Variants in PCDHA7 observed in about 807,000 individuals in gnomAD.
PCDHA7 encodes the protein protocadherin alpha-7.
A neutral mutation model predicts 57.2 loss-of-function variants in PCDHA7; 37 were observed. The observed-to-expected ratio is 0.65, with a 90% CI of 0.50 to 0.85. The LOEUF is 0.85. Among genes scored for constraint, PCDHA7 ranks in the 40% least tolerant of loss-of-function variants. The probability of loss-of-function intolerance (pLI) is 0.00; values close to 1 mark genes in which losing one functional copy is unlikely to be tolerated. For synonymous variants in PCDHA7, 553 were observed against 558.8 expected, an observed-to-expected ratio of 0.99 and a Z score of 0.15; for missense variants, 1,188 against 1,241.8, an observed-to-expected ratio of 0.96 and a Z score of 0.65.
At chr5:140,928,671 T>C in intron 1 of PCDHA7, 7 of 1,614,214 alleles carry the variant, frequency 4.3e-6, no homozygotes, top group Non-Finnish European at 5.9e-6. Context: ...GTGGTTCTAA[T>C]GCCTGGCTTT....
chr5:140,854,061 C>A, intron 1 of PCDHA7: 1 of 279,894 alleles, frequency 3.6e-6, no homozygotes, highest in Non-Finnish European at 5.4e-6. Flanking sequence ...ACTCAGGAGG[C>A]TGAGGCGAGA....
chr5:140,879,869 T>C lies in PCDHA7; in HGVS notation c.2355+43131T>C, dbSNP rs782705975. Among the ~76,000 whole-genome samples, 13 of 152,220 alleles carry C rather than the reference T, an allele frequency of 8.5e-5. 1 individual carries two copies. The highest frequency in any genetic ancestry group is 1.5e-4 in the Non-Finnish European group (10 of 68,042). ...CCCATCTCAGCCTTCTCAGCTTTCA[T>C]GGTCACATTGCCTCCTCCTCTCCAT... On this transcript the variant is annotated intron_variant, in intron 1 of 3. Coordinates refer to ENST00000525929, the MANE Select transcript of PCDHA7 (RefSeq NM_018910.3).
intron 1 of PCDHA7, chr5:140,856,806 A>G: frequency 1.3e-6 from 2 of 1,595,552 alleles, no homozygotes; most frequent in African/African-American, 1.3e-5. Context: ...ATGTATGAAA[A>G]TCAAGTGAAC....
chr5:140,998,433 C>CTA (rs2097813622), intron 3 of PCDHA7, among the ~76,000 whole-genome samples: 2 of 152,160 alleles, frequency 1.3e-5, no homozygotes, highest in Admixed American at 1.3e-4. Flanking sequence ...TCCTTTAACA[C>CTA]TATTATTGTA....
Position 140,875,940 on chromosome 5 carries a change from C to T in PCDHA7, c.2355+39202C>T, listed in dbSNP as rs782320801. ...TGGACTCTCATTTTCCTCTAGAGGG[C>T]GCTTCTGATGCGGATATCGGCGTAA... On this transcript the variant is annotated intron_variant, in intron 1 of 3. Transcript: ENST00000525929. 5.0e-6 allele frequency: 8 copies of T among 1,613,964 alleles called. No individual in the cohort carries two copies. In the South Asian group the frequency reaches 6.6e-5, roughly 13 times the overall value.
chr5:140,870,718 G>C (rs2052330987), intron 1 of PCDHA7: 2 of 1,613,062 alleles, frequency 1.2e-6, no homozygotes. Context: ...CGCGCGCGAT[G>C]CGGGCGTGCC....
chr5:140,851,287 C>T, intron 1 of PCDHA7: 1 of 1,037,890 alleles, frequency 9.6e-7, no homozygotes, highest in Non-Finnish European at 1.2e-6. Flanking sequence ...ATAAGAAACC[C>T]AAGCAAAAAT....
intron 1 of PCDHA7, chr5:140,877,350 G>T (rs376513441): frequency 1.9e-6 from 3 of 1,614,014 alleles, no homozygotes; most frequent in Non-Finnish European, 2.5e-6. Flanking sequence ...ACGTGGGGCT[G>T]TACACTGGCG....
chr5:140,917,806 A>G (rs921651411), intron 1 of PCDHA7, among the ~76,000 whole-genome samples: 45 of 151,888 alleles, frequency 3.0e-4, no homozygotes, highest in Admixed American at 2.9e-3. Context: ...GCCTTGCAGT[A>G]TAGTTGAAGT....
At chr5:140,869,868 T>A (rs782375084) in intron 1 of PCDHA7, 2 of 1,610,492 alleles carry the variant, frequency 1.2e-6, no homozygotes, top group African/African-American at 2.7e-5. Context: ...TGGAAAATGC[T>A]GCTAAAGAAA....
intron 3 of PCDHA7, among the ~76,000 whole-genome samples, chr5:141,008,259 T>G (rs986818585): frequency 3.3e-5 from 5 of 152,202 alleles, no homozygotes; most frequent in Non-Finnish European, 7.3e-5. Context: ...TAGAGGAGAC[T>G]GAGAAGTAAT....
chr5:140,926,704 T>C (rs1481559865), intron 1 of PCDHA7: 7 of 842,670 alleles, frequency 8.3e-6, no homozygotes, highest in Non-Finnish European at 1.2e-5. Context: ...GGCTCCCAGC[T>C]GGCCAGCCCC....
chr5:140,851,436 G>C, intron 1 of PCDHA7: 2 of 931,614 alleles, frequency 2.1e-6, no homozygotes, highest in East Asian at 2.3e-4. Context: ...TTAGAAAACA[G>C]TTGCTCCACT....
At chr5:140,893,219 G>C (rs1273209081) in intron 1 of PCDHA7, among the ~76,000 whole-genome samples, 1 of 152,194 alleles carries the variant, frequency 6.6e-6, no homozygotes, top group Non-Finnish European at 1.5e-5. Flanking sequence ...GGAGGTGCAG[G>C]TATCACTTTG....
chr5:140,989,237 A>C (rs2097333860), intron 3 of PCDHA7, among the ~76,000 whole-genome samples: 1 of 152,172 alleles, frequency 6.6e-6, no homozygotes, highest in African/African-American at 2.4e-5. Flanking sequence ...CTGAAGTTTT[A>C]AGCCCCTTGT....
chr5:140,965,648 GA>G (rs2095919572), intron 1 of PCDHA7, among the ~76,000 whole-genome samples: 1 of 152,128 alleles, frequency 6.6e-6, no homozygotes, highest in Non-Finnish European at 1.5e-5. Context: ...ACTCTTGAAA[GA>G]AAATGTCTTG....
At chr5:140,979,215 G>A (rs1463069868) in intron 2 of PCDHA7, among the ~76,000 whole-genome samples, 5 of 152,178 alleles carry the variant, frequency 3.3e-5, no homozygotes, top group African/African-American at 4.8e-5. Context: ...TGGCATATAA[G>A]AGTCCTCTGT....
At chr5:140,874,703 A>G (rs782809395) in intron 1 of PCDHA7, among the ~76,000 whole-genome samples, 16 of 152,270 alleles carry the variant, frequency 1.1e-4, no homozygotes, top group Admixed American at 7.2e-4. Flanking sequence ...TATGGAAATG[A>G]GAGCAGTTAT....
intron 3 of PCDHA7, among the ~76,000 whole-genome samples, chr5:140,982,886 G>A (rs1310342145): frequency 1.3e-5 from 2 of 152,114 alleles, no homozygotes; most frequent in Admixed American, 6.6e-5. Flanking sequence ...GCCATGCAGA[G>A]AAGATCTGGT....
Sources: gnomAD v4.1 joint callset for allele counts (sites outside exome capture counted in the v4.1 genomes callset) on GRCh38, gnomAD v4.1.1 for gene constraint, MANE v1.5 for transcripts, NCBI Gene and HGNC (gene_info 2026-07-23, HGNC 2026-07-21) for gene names.